The following HOMER1 variants were observed in gnomAD, a reference collection of about 807,000 sequenced individuals.
HOMER1 encodes the protein homer scaffold protein 1.
A neutral mutation model predicts 48.9 loss-of-function variants in HOMER1; 3 were observed. That is an observed-to-expected ratio of 0.06 (90% CI 0.03 to 0.16). HOMER1 has a LOEUF of 0.16. Among genes scored for constraint, HOMER1 ranks in the 10% least tolerant of loss-of-function variants. HOMER1 has a pLI of 1.00. For missense variants in HOMER1, 247 were observed against 411.4 expected, an observed-to-expected ratio of 0.60 and a Z score of 3.46; for synonymous variants, 134 against 146.4, an observed-to-expected ratio of 0.92 and a Z score of 0.61.
intron 8 of HOMER1, among the ~76,000 whole-genome samples, chr5:79,391,972 C>T (rs1312908247): frequency 6.6e-6 from 1 of 152,034 alleles, no homozygotes; most frequent in Admixed American, 6.6e-5. Context: ...TGAAAAACTC[C>T]TATCACCCAG....
At chr5:79,382,509 G>C (rs913855845) in intron 8 of HOMER1, among the ~76,000 whole-genome samples, 1 of 152,100 alleles carries the variant, frequency 6.6e-6, no homozygotes, top group Admixed American at 6.5e-5. Flanking sequence ...TCATAGTGTT[G>C]AAAGGAAAAA....
At chr5:79,467,643 T>C (rs1489313894) in intron 1 of HOMER1, among the ~76,000 whole-genome samples, 2 of 152,232 alleles carry the variant, frequency 1.3e-5, no homozygotes, top group Non-Finnish European at 2.9e-5. Flanking sequence ...AGTGGATATG[T>C]GTATAGTATT....
At chr5:79,489,914 T>C (rs1752221845) in intron 1 of HOMER1, among the ~76,000 whole-genome samples, 1 of 152,190 alleles carries the variant, frequency 6.6e-6, no homozygotes, top group South Asian at 2.1e-4. Context: ...AAAGACTGAC[T>C]CATAGAGGGG....
chr5:79,472,910 T>G (rs979585428), intron 1 of HOMER1, among the ~76,000 whole-genome samples: 8 of 152,224 alleles, frequency 5.3e-5, no homozygotes, highest in African/African-American at 1.7e-4. Context: ...AACTTCCAAC[T>G]GATCCAAGTT....
intron 3 of HOMER1, among the ~76,000 whole-genome samples, chr5:79,449,228 G>T (rs768903089): frequency 6.7e-6 from 1 of 149,466 alleles, no homozygotes; most frequent in Non-Finnish European, 1.5e-5. Flanking sequence ...ATAGATTTTT[G>T]CTATAGTCTT....
intron 1 of HOMER1, among the ~76,000 whole-genome samples, chr5:79,483,508 ACT>A (rs1031067031): frequency 2.0e-5 from 3 of 151,758 alleles, no homozygotes; most frequent in Admixed American, 6.6e-5. Context: ...AAAAAAAAAA[ACT>A]CTTAAAAACA....
In HOMER1 at chr5:79,373,683, T is replaced by C. The variant is rs1189978806; in HGVS notation, c.*2326A>G. 2 of 152,002 alleles carry C rather than the reference T, an allele frequency of 1.3e-5. No individual in the cohort carries two copies. The highest frequency in any genetic ancestry group is 6.6e-5 in the Admixed American group (1 of 15,254). 9.4% of individuals were successfully genotyped at this position (152,002 alleles called of 1,614,324 possible). ...GTGCACTTGTGTCCACCTTATCCCA[T>C]ATACTGTACATGTCTATTGACAATC... is the stretch of plus-strand genomic sequence containing the variant. On this transcript the variant is annotated 3_prime_UTR_variant, in exon 9 of 9. Transcript: ENST00000334082.
chr5:79,455,352 G>A (rs564115259), intron 2 of HOMER1, among the ~76,000 whole-genome samples: 3 of 149,734 alleles, frequency 2.0e-5, no homozygotes, highest in South Asian at 2.2e-4. Context: ...GGTGGAACCC[G>A]GTGGAGGTAA....
chr5:79,488,253 G>C (rs546900666), intron 1 of HOMER1, among the ~76,000 whole-genome samples: 1 of 152,298 alleles, frequency 6.6e-6, no homozygotes, highest in African/African-American at 2.4e-5. Context: ...GAGGTGATTA[G>C]GCAGTGCCTT....
intron 5 of HOMER1, among the ~76,000 whole-genome samples, chr5:79,415,484 A>G (rs1749918956): frequency 6.6e-6 from 1 of 152,244 alleles, no homozygotes; most frequent in Non-Finnish European, 1.5e-5. Flanking sequence ...TGATGAAGTT[A>G]TAAGAACACC....
intron 5 of HOMER1, among the ~76,000 whole-genome samples, chr5:79,415,388 G>A (rs1749916458): frequency 6.6e-6 from 1 of 152,040 alleles, no homozygotes; most frequent in Non-Finnish European, 1.5e-5. Context: ...CAATGTTACT[G>A]ATAGCACAAA....
chr5:79,436,290 T>C (rs952304328), intron 5 of HOMER1, among the ~76,000 whole-genome samples: 1 of 152,238 alleles, frequency 6.6e-6, no homozygotes, highest in African/African-American at 2.4e-5. Context: ...TTTCTAATCA[T>C]GAAACACGGA....
At chr5:79,407,232 G>C (rs1749687848) in intron 5 of HOMER1, among the ~76,000 whole-genome samples, 1 of 151,778 alleles carries the variant, frequency 6.6e-6, no homozygotes, top group Admixed American at 6.6e-5. Flanking sequence ...CCCATTTCTA[G>C]GAGGAAATAG....
chr5:79,443,649 T>C (rs1454659812), intron 4 of HOMER1, among the ~76,000 whole-genome samples: 1 of 152,224 alleles, frequency 6.6e-6, no homozygotes, highest in African/African-American at 2.4e-5. Flanking sequence ...TAGTACTATA[T>C]GCTAAGTACT....
chr5:79,388,520 A>G (rs751614439), intron 8 of HOMER1, among the ~76,000 whole-genome samples: 2 of 152,206 alleles, frequency 1.3e-5, no homozygotes, highest in Non-Finnish European at 2.9e-5. Flanking sequence ...ACTATGAATC[A>G]GAAGAAAACT....
chr5:79,418,628 A>G (rs1477610531), intron 5 of HOMER1, among the ~76,000 whole-genome samples: 3 of 152,212 alleles, frequency 2.0e-5, no homozygotes, highest in Admixed American at 6.5e-5. Context: ...ATTGTCATGT[A>G]TGATATCTGG....
chr5:79,510,678 A>G lies in HOMER1; in HGVS notation c.5+2092T>C, dbSNP rs1580051487. 6.5e-6 allele frequency: 6 copies of G among 926,176 alleles called. No homozygotes were observed. The South Asian group carries it at 6.5e-5, about 10-fold the overall frequency. 57.4% of individuals were successfully genotyped at this position (926,176 alleles called of 1,614,324 possible). On this transcript the variant is annotated intron_variant, in intron 1 of 8. Transcript: ENST00000334082. ...GCCCTCCTAAAGCCCAAGGAGGTTA[A>G]GCCCAAGATCCCAAAGGGTGTCAGC...
chr5:79,403,932 T>C (rs994189156), intron 5 of HOMER1, among the ~76,000 whole-genome samples: 7 of 152,232 alleles, frequency 4.6e-5, no homozygotes, highest in African/African-American at 1.7e-4. Context: ...TAACAATCCA[T>C]TTCTATCCTG....
intron 1 of HOMER1, 40 bp from the exon 2 acceptor site, chr5:79,457,058 A>G (rs780424484): frequency 6.3e-7 from 1 of 1,599,182 alleles, no homozygotes; most frequent in Non-Finnish European, 8.6e-7. Flanking sequence ...GAAAGCAGCC[A>G]GTTTTATTTC....
Sources: gnomAD v4.1 joint callset for allele counts (sites outside exome capture counted in the v4.1 genomes callset) on GRCh38, gnomAD v4.1.1 for gene constraint, MANE v1.5 for transcripts, NCBI Gene and HGNC (gene_info 2026-07-23, HGNC 2026-07-21) for gene names.